ZNF236: variants seen among roughly 807,000 people sequenced by gnomAD.
ZNF236 encodes the protein zinc finger protein 236, also known as regulated by glucose.
ZNF236 carries 50 observed loss-of-function variants against 191.2 expected under a neutral mutation model. That is an observed-to-expected ratio of 0.26 (90% confidence interval 0.21 to 0.33). ZNF236 has a LOEUF of 0.33. Among genes scored for constraint, ZNF236 ranks in the 10% least tolerant of loss-of-function variants. ZNF236 has a pLI of 1.00. For synonymous variants in ZNF236, 907 were observed against 928.8 expected (o/e 0.98, Z 0.43); for missense variants, 1,754 against 2,374.5 (o/e 0.74, Z 5.43).
At chr18:76,828,890 C>G (rs1415244584) in intron 1 of ZNF236, among the ~76,000 whole-genome samples, 1 of 152,086 alleles carries the variant, frequency 6.6e-6, no homozygotes, top group Non-Finnish European at 1.5e-5. Context: ...TGGTCTTGAA[C>G]TCCTGAGCCA....
intron 26 of ZNF236, among the ~76,000 whole-genome samples, chr18:76,944,182 A>G (rs1022932825): frequency 6.6e-6 from 1 of 152,134 alleles, no homozygotes; most frequent in Non-Finnish European, 1.5e-5. Flanking sequence ...TGTGACTCTG[A>G]CGCAGCTGCC....
At position 76,848,940 on chromosome 18, in the gene ZNF236, C is replaced by T. The variant is rs934470995; in HGVS notation, c.56-586C>T. 6.6e-5 allele frequency among the ~76,000 whole-genome samples: 10 copies of T among 151,664 alleles called. No individual in the cohort carries two copies. The South Asian group carries it at 8.3e-4, about 13-fold the overall frequency. On this transcript the variant is annotated intron_variant, in intron 1 of 30. Transcript: ENST00000320610. ...TCCCCAAGTGCTGAAATAAAAGGCA[C>T]GAGCCACTGTGCGTGGCAGTTTTTC...
chr18:76,855,002 T>C (rs757964996), intron 3 of ZNF236, among the ~76,000 whole-genome samples: 2 of 152,228 alleles, frequency 1.3e-5, no homozygotes, highest in Non-Finnish European at 2.9e-5. Context: ...CTCAGCTCAG[T>C]GCAGCCTCTG....
chr18:76,960,637 T>C lies in ZNF236; in HGVS notation c.5243-42T>C. 1.2e-6 allele frequency: 2 copies of C among 1,612,202 alleles called. No individual in the cohort carries two copies. Among genetic ancestry groups the C allele is most frequent in the Non-Finnish European group, 1.7e-6 (2 of 1,178,456 alleles). The stretch of plus-strand genomic sequence containing the variant: ...CAGGGTAGAGCCCAGGCATCCACTA[T>C]ACTTTTCTTAGAGACATTGACATAT... On this transcript the variant is annotated intron_variant, in intron 29 of 30. Transcript: ENST00000320610. The surrounding 1 kb of genome is among the most constrained non-coding windows in gnomAD (Gnocchi z 4.4).
chr18:76,937,326 C>T lies in ZNF236; in HGVS notation c.4765C>T (p.Leu1589Phe). ...ATCTGGAGGCCTGGACACTGTCACA[C>T]TCAACATCACCTCTCAGGCAAGTGC... Reference protein sequence around the residue: ...MLSGGLDTVTLNITSQGQQFP... With the variant: ...MLSGGLDTVTFNITSQGQQFP... The change falls in exon 26 of 31, where the codon CTC becomes TTC. Residue 1589 changes from leucine to phenylalanine, a missense_variant. Coordinates refer to ENST00000320610, the MANE Select transcript of ZNF236 (RefSeq NM_001306089.2). The T allele has an allele frequency of 6.2e-7, 1 of 1,611,910 alleles. No homozygotes were observed. The highest frequency in any genetic ancestry group is 8.5e-7 in the Non-Finnish European group (1 of 1,178,526).
At chr18:76,938,702 A>C in intron 26 of ZNF236, among the ~76,000 whole-genome samples, 1 of 151,878 alleles carries the variant, frequency 6.6e-6, no homozygotes, top group African/African-American at 2.4e-5. Context: ...CACAGCCACT[A>C]CCCTCTTCTG....
At chr18:76,917,831 G>T (rs1967414461) in intron 19 of ZNF236, among the ~76,000 whole-genome samples, 1 of 152,032 alleles carries the variant, frequency 6.6e-6, no homozygotes, top group African/African-American at 2.4e-5. Flanking sequence ...AGCTTTATTG[G>T]TATAATGCGG....
intron 26 of ZNF236, among the ~76,000 whole-genome samples, chr18:76,937,575 C>T (rs927204920): frequency 6.6e-6 from 1 of 151,976 alleles, no homozygotes; most frequent in Admixed American, 6.6e-5. Flanking sequence ...GTAATCCCAC[C>T]ACCCAAATGG....
chr18:76,829,720 A>G (rs1975114089), intron 1 of ZNF236, among the ~76,000 whole-genome samples: 1 of 152,220 alleles, frequency 6.6e-6, no homozygotes, highest in Non-Finnish European at 1.5e-5. Context: ...CACAAAAAAC[A>G]TCTGCCTAGA....
rs144325426 is a variant in ZNF236 at position 76,953,993 on chromosome 18, T to C, written c.4915-1992T>C. Among the ~76,000 whole-genome samples, 423 of 152,330 alleles carry C rather than the reference T, an allele frequency of 2.8e-3. 1 individual carries two copies. Among genetic ancestry groups the C allele is most frequent in the Middle Eastern group, 0.017 (5 of 294 alleles). On this transcript the variant is annotated intron_variant, in intron 27 of 30. Coordinates refer to ENST00000320610, the MANE Select transcript of ZNF236 (RefSeq NM_001306089.2). The stretch of plus-strand genomic sequence containing the variant: ...CCTGCTGTGGGAAGCACATTATTTC[T>C]AGCTGTGGCCAAGTTTATGCCTCAG...
intron 27 of ZNF236, among the ~76,000 whole-genome samples, chr18:76,953,023 C>A (rs1400772694): frequency 6.6e-6 from 1 of 152,200 alleles, no homozygotes; most frequent in African/African-American, 2.4e-5. Context: ...CCTAGAGCAA[C>A]AGCCTTTGCT....
chr18:76,930,158 A>T (rs2122853973), intron 25 of ZNF236, among the ~76,000 whole-genome samples: 1 of 152,340 alleles, frequency 6.6e-6, no homozygotes, highest in South Asian at 2.1e-4. Context: ...GATCTTTTGA[A>T]TATGGGTCTG....
Position 76,910,057 on chromosome 18 carries a change from C to G in ZNF236, c.2552-11C>G. 1 of 1,601,032 alleles carries G rather than the reference C, an allele frequency of 6.2e-7. No homozygotes were observed. Among genetic ancestry groups the G allele is most frequent in the Non-Finnish European group, 8.5e-7 (1 of 1,169,912 alleles). On this transcript the variant is annotated splice_polypyrimidine_tract_variant and intron_variant, in intron 14 of 30. Transcript: ENST00000320610. ...ATGTATGCGTCCCCCTTTTTTACAT[C>G]TCATCCTCAGATGGGTTTGTGGCTC...
chr18:76,910,203 G>GAGCT, intron 15 of ZNF236, 34 bp downstream of exon 15: 3 of 1,538,364 alleles, frequency 2.0e-6, no homozygotes, highest in Non-Finnish European at 9.0e-7. Context: ...ATTTGTAAGT[G>GAGCT]AGCTATACTT....
chr18:76,912,446 C>T (rs950227069), intron 17 of ZNF236, 99 bp downstream of exon 17: 12 of 778,422 alleles, frequency 1.5e-5, no homozygotes, highest in Non-Finnish European at 2.3e-5. Context: ...ATTTCATTCT[C>T]TCAAAACTGT....
chr18:76,864,196 CTTT>C (rs1202084465), intron 3 of ZNF236, among the ~76,000 whole-genome samples: 12 of 132,106 alleles, frequency 9.1e-5, no homozygotes, highest in Admixed American at 7.6e-5. Context: ...CAACAAATAT[CTTT>C]TTTTTTTTTT....
At chr18:76,920,162 C>T (rs2122804879) in intron 20 of ZNF236, 104 bp downstream of exon 20, 1 of 1,309,628 alleles carries the variant, frequency 7.6e-7, no homozygotes, top group East Asian at 2.5e-5. Flanking sequence ...AGTTTCTGAA[C>T]CTGGTGTCAC....
In ZNF236 at chr18:76,937,341, C is replaced by G. The variant is rs1307132935; in HGVS notation, c.4780C>G (p.Gln1594Glu). ...LDTVTLNITS[Q>E]GQQFPALLTD... is the part of the protein sequence containing the mutation. ...CACTGTCACACTCAACATCACCTCT[C>G]AGGCAAGTGCTCCTCAGAGAGGGAT... The change falls in exon 26 of 31, where the codon CAG becomes GAG. Residue 1594 changes from glutamine to glutamate, a missense_variant and splice_region_variant. This residue lies in a region of ZNF236 where 606 missense variants were observed against 761.5 expected (regional missense o/e 0.80). Transcript: ENST00000320610. 1 of 1,604,426 alleles carries G rather than the reference C, an allele frequency of 6.2e-7. No homozygotes were observed. The highest frequency in any genetic ancestry group is 8.5e-7 in the Non-Finnish European group (1 of 1,172,936).
rs540728246 is a variant in ZNF236, at chr18:76,847,680, A to G, written c.56-1846A>G. 8.5e-5 allele frequency among the ~76,000 whole-genome samples: 13 copies of G among 152,276 alleles called. No individual in the cohort carries two copies. The South Asian group carries it at 1.0e-3, about 12-fold the overall frequency. On this transcript the variant is annotated intron_variant, in intron 1 of 30. Transcript: ENST00000320610. Reference sequence around the variant, plus strand: ...GAGACAGGGTTTCACCGTGTTAGCCAGGATGGTCTTGATCTCCTGACTTCG... The same window carrying G: ...GAGACAGGGTTTCACCGTGTTAGCCGGGATGGTCTTGATCTCCTGACTTCG...
Sources: gnomAD v4.1 joint callset for allele counts (sites outside exome capture counted in the v4.1 genomes callset) on GRCh38, gnomAD v4.1.1 for gene constraint, gnomAD v4.1.1 regional missense constraint, Gnocchi (gnomAD v3.1) non-coding constraint, MANE v1.5 for transcripts, NCBI Gene and HGNC (gene_info 2026-07-23, HGNC 2026-07-21) for gene names.